The following SGPP1 variants were observed in gnomAD, a reference collection of about 807,000 sequenced individuals.
The protein encoded by SGPP1 is hSPP1.
SGPP1 carries 21 observed loss-of-function variants against 33.0 expected under a neutral mutation model. That is an observed-to-expected ratio of 0.64 (90% CI 0.45 to 0.92). SGPP1 has a LOEUF of 0.92. Ranked by LOEUF, SGPP1 falls within the 40% of genes least tolerant of loss-of-function variation. The pLI, the probability that SGPP1 is intolerant of heterozygous loss-of-function variation, is 0.00. For synonymous variants in SGPP1, 239 were observed against 241.2 expected (o/e 0.99, Z 0.08); for missense variants, 543 against 589.4 (o/e 0.92, Z 0.81).
intron 1 of SGPP1, among the ~76,000 whole-genome samples, chr14:63,703,156 G>T (rs984903213): frequency 2.0e-5 from 3 of 151,838 alleles, no homozygotes; most frequent in African/African-American, 7.3e-5. Flanking sequence ...CAGCAAAGTT[G>T]CAGGGTGTAA....
intron 2 of SGPP1, among the ~76,000 whole-genome samples, chr14:63,688,663 GA>G (rs1304449682): frequency 6.6e-6 from 1 of 150,890 alleles, no homozygotes; most frequent in African/African-American, 2.4e-5. Flanking sequence ...CCACTACACT[GA>G]AACCACTTTT....
intron 1 of SGPP1, among the ~76,000 whole-genome samples, chr14:63,707,555 G>C (rs1332703043): frequency 1.4e-5 from 2 of 144,280 alleles, no homozygotes; most frequent in African/African-American, 2.6e-5. Flanking sequence ...TTTTTTTTGA[G>C]ATGGAGTTTC....
intron 1 of SGPP1, among the ~76,000 whole-genome samples, chr14:63,700,501 A>G (rs910349938): frequency 2.0e-5 from 3 of 152,220 alleles, no homozygotes; most frequent in Admixed American, 1.3e-4. Context: ...TACTAATTTT[A>G]TATTCTAAAT....
chr14:63,715,901 AAG>A (rs1885613719), intron 1 of SGPP1, among the ~76,000 whole-genome samples: 1 of 152,164 alleles, frequency 6.6e-6, no homozygotes, highest in African/African-American at 2.4e-5. Flanking sequence ...TCAAGCAGTG[AAG>A]AGGGAATTGG....
At chr14:63,687,971 G>C (rs1885015439) in intron 2 of SGPP1, among the ~76,000 whole-genome samples, 1 of 151,958 alleles carries the variant, frequency 6.6e-6, no homozygotes. Flanking sequence ...AAATACAAAA[G>C]AAAATTAGCT....
intron 1 of SGPP1, among the ~76,000 whole-genome samples, chr14:63,720,475 T>C (rs906633274): frequency 2.0e-5 from 3 of 148,428 alleles, no homozygotes; most frequent in South Asian, 4.3e-4. Flanking sequence ...ATAAACTATA[T>C]AGGCCGGGTG....
chr14:63,685,625 T>C lies in SGPP1; in HGVS notation c.*480A>G, dbSNP rs796817798. On this transcript the variant is annotated 3_prime_UTR_variant, in exon 3 of 3. Coordinates refer to ENST00000247225, the MANE Select transcript of SGPP1 (RefSeq NM_030791.4). ...GTAATTACGCAATTCAATTAGGAAA[T>C]GGCTCCCATAGTAAATAAATGTTAA... 7 of 152,438 alleles carry C rather than the reference T, an allele frequency of 4.6e-5. No individual in the cohort carries two copies. The highest frequency in any genetic ancestry group is 1.7e-4 in the African/African-American group (7 of 41,528). 9.4% of individuals were successfully genotyped at this position (152,438 alleles called of 1,614,324 possible).
chr14:63,714,292 G>C (rs1415344909), intron 1 of SGPP1, among the ~76,000 whole-genome samples: 2 of 152,190 alleles, frequency 1.3e-5, no homozygotes, highest in Non-Finnish European at 2.9e-5. Context: ...GTTTTTGATG[G>C]ATCTCATCAA....
chr14:63,727,810 C>T lies in SGPP1; in HGVS notation c.135G>A (p.Ala45=). The T allele has an allele frequency of 4.0e-6, 6 of 1,507,070 alleles. No individual in the cohort carries two copies. Among genetic ancestry groups the T allele is most frequent in the Non-Finnish European group, 5.3e-6 (6 of 1,134,226 alleles). The allele number at this position is 1,507,070 out of a possible 1,614,324, so 93.4% of individuals were successfully genotyped here. ...RSADRREDEK[A]EAPLAGDPRL... ...GAGGGTCTCCGGCGAGAGGCGCCTC[C>T]GCTTTCTCATCCTCCCTCCGGTCTG... Residue 45 remains alanine (A), a synonymous_variant, in exon 1 of 3, where the codon GCG becomes GCA. Coordinates refer to ENST00000247225, the MANE Select transcript of SGPP1 (RefSeq NM_030791.4).
rs531665579 is a variant in SGPP1 at position 63,684,706 on chromosome 14, T to G, written c.*1399A>C. On this transcript the variant is annotated 3_prime_UTR_variant, in exon 3 of 3. Coordinates refer to ENST00000247225, the MANE Select transcript of SGPP1 (RefSeq NM_030791.4). Reference sequence around the variant, plus strand: ...ATTTATATGGAAAGTTAATCTCTTCTTTATGAAAAACTTTCTACAAATACA... The same window carrying G: ...ATTTATATGGAAAGTTAATCTCTTCGTTATGAAAAACTTTCTACAAATACA... 1.3e-5 allele frequency: 2 copies of G among 152,602 alleles called. No individual in the cohort carries two copies. The highest frequency in any genetic ancestry group is 4.8e-5 in the African/African-American group (2 of 41,568). The allele number at this position is 152,602 out of a possible 1,614,324, so 9.5% of individuals were successfully genotyped here.
intron 2 of SGPP1, among the ~76,000 whole-genome samples, chr14:63,692,865 C>G (rs550948586): frequency 2.6e-5 from 4 of 152,212 alleles, no homozygotes; most frequent in Non-Finnish European, 4.4e-5. Flanking sequence ...AAAGATTCCA[C>G]AAGTGACTCA....
In SGPP1 at chr14:63,685,078, T is replaced by C. The variant is rs1229617550; in HGVS notation, c.*1027A>G. On this transcript the variant is annotated 3_prime_UTR_variant, in exon 3 of 3. Transcript: ENST00000247225. ...AACAATCAAGACAATGTACAAAAAATATGTCCTGCTCCTATAACTTACAAT... is the reference window on the plus strand; with the variant it reads ...AACAATCAAGACAATGTACAAAAAACATGTCCTGCTCCTATAACTTACAAT... 6.6e-6 allele frequency: 1 copy of C among 151,976 alleles called. No homozygotes were observed. Among genetic ancestry groups the C allele is most frequent in the Non-Finnish European group, 1.5e-5 (1 of 67,878 alleles). The allele number at this position is 151,976 out of a possible 1,614,324, so 9.4% of individuals were successfully genotyped here. A position where few individuals can be genotyped will look rare whatever the true frequency, so the allele number is the denominator to read the frequency against.
chr14:63,727,536 C>G lies in SGPP1; in HGVS notation c.409G>C (p.Glu137Gln). 1 of 1,613,878 alleles carries G rather than the reference C, an allele frequency of 6.2e-7. No individual in the cohort carries two copies. The highest frequency in any genetic ancestry group is 8.5e-7 in the Non-Finnish European group (1 of 1,180,008). ...ATGTAGAAGAGTTCGTTGCCCAGCT[C>G]CGTGCCGAAGCAGAACAGGCAGTAG... Reference protein sequence around the residue: ...PLYCLFCFGTELGNELFYILF... With the variant: ...PLYCLFCFGTQLGNELFYILF... The change falls in exon 1 of 3, where the codon GAG becomes CAG. Residue 137 changes from glutamate to glutamine, a missense_variant. Physicochemically the swap from Glu to Gln is conservative, Grantham distance 29 (BLOSUM62 2). Transcript: ENST00000247225.
intron 1 of SGPP1, among the ~76,000 whole-genome samples, chr14:63,722,990 T>A (rs943483533): frequency 2.5e-4 from 38 of 149,280 alleles, no homozygotes; most frequent in Admixed American, 8.0e-4. Flanking sequence ...AAAAAAAAAA[T>A]TAATCTAAAA....
chr14:63,691,740 T>C (rs944028484), intron 2 of SGPP1, among the ~76,000 whole-genome samples: 4 of 152,182 alleles, frequency 2.6e-5, no homozygotes, highest in African/African-American at 9.7e-5. Flanking sequence ...CCCCAGTGAT[T>C]CTGATGTACA....
intron 1 of SGPP1, 135 bp from the exon 2 acceptor site, chr14:63,698,793 C>T (rs1476797700): frequency 2.2e-6 from 1 of 449,850 alleles, no homozygotes; most frequent in Non-Finnish European, 4.0e-6. Context: ...CATTGTATTT[C>T]CAGCACCTAA....
At position 63,727,689 on chromosome 14, in the gene SGPP1, G is replaced by C; in HGVS notation, c.256C>G (p.Pro86Ala). ...CPAKPDGGGA[P>A]NGVRNGLAAE... The stretch of plus-strand genomic sequence containing the variant: ...GCCAGCCCGTTCCGCACGCCGTTGG[G>C]GGCGCCGCCGCCGTCCGGCTTGGCC... The change falls in exon 1 of 3, where the codon CCC (proline) becomes GCC (alanine). Residue 86 changes from proline to alanine, a missense_variant. Physicochemically the swap from Pro to Ala is conservative, Grantham distance 27. Transcript: ENST00000247225. The C allele has an allele frequency of 6.7e-6, 9 of 1,337,304 alleles. No individual in the cohort carries two copies. Among genetic ancestry groups the C allele is most frequent in the Non-Finnish European group, 7.6e-6 (8 of 1,049,962 alleles). The allele number at this position is 1,337,304 out of a possible 1,614,324, so 82.8% of individuals were successfully genotyped here.
At chr14:63,696,182 G>T (rs1885182968) in intron 2 of SGPP1, among the ~76,000 whole-genome samples, 1 of 152,068 alleles carries the variant, frequency 6.6e-6, no homozygotes, top group African/African-American at 2.4e-5. Context: ...CAGCTATTTG[G>T]AAGAATCCCT....
At chr14:63,694,877 G>A (rs565520238) in intron 2 of SGPP1, among the ~76,000 whole-genome samples, 21 of 152,036 alleles carry the variant, frequency 1.4e-4, no homozygotes, top group Non-Finnish European at 2.1e-4. Context: ...AATACTCCAG[G>A]TTATCGTCAA....
Sources: gnomAD v4.1 joint callset for allele counts (sites outside exome capture counted in the v4.1 genomes callset) on GRCh38, gnomAD v4.1.1 for gene constraint, MANE v1.5 for transcripts, NCBI Gene and HGNC (gene_info 2026-07-23, HGNC 2026-07-21) for gene names.